Variants in FCGR2A observed in about 807,000 individuals in gnomAD.
The protein encoded by FCGR2A is Fc gamma receptor IIa.
FCGR2A carries 18 observed loss-of-function variants against 29.3 expected under a neutral mutation model. The ratio of observed to expected loss-of-function variants is 0.62; its 90% CI spans 0.43 to 0.91. The LOEUF is 0.91. Among genes scored for constraint, FCGR2A ranks in the 40% least tolerant of loss-of-function variants. The pLI, the probability that FCGR2A is intolerant of heterozygous loss-of-function variation, is 0.00. For missense variants in FCGR2A, 287 were observed against 393.0 expected, an observed-to-expected ratio of 0.73 and a Z score of 2.28; for synonymous variants, 126 against 144.8, an observed-to-expected ratio of 0.87 and a Z score of 0.93.
intron 3 of FCGR2A, among the ~76,000 whole-genome samples, chr1:161,508,615 G>GT (rs1315194335): frequency 6.3e-4 from 95 of 150,520 alleles, no homozygotes; most frequent in Non-Finnish European, 1.3e-3. Context: ...AAAGAAAACT[G>GT]TTTTTTTAAA....
At chr1:161,510,227 T>A in intron 4 of FCGR2A, 153 bp downstream of exon 4, 1 of 1,388,144 alleles carries the variant, frequency 7.2e-7, no homozygotes, top group Non-Finnish European at 9.7e-7. Flanking sequence ...GGCTAAGTAT[T>A]GACCAACAAG....
downstream of FCGR2A, among the ~76,000 whole-genome samples, chr1:161,520,224 A>G (rs1295395035): frequency 1.3e-5 from 2 of 152,066 alleles, no homozygotes; most frequent in Non-Finnish European, 2.9e-5. Flanking sequence ...TATGAAGAAA[A>G]GAGGGTTAAT....
At chr1:161,512,324 A>G (rs1308132713) in intron 5 of FCGR2A, among the ~76,000 whole-genome samples, 1 of 146,204 alleles carries the variant, frequency 6.8e-6, no homozygotes, top group Non-Finnish European at 1.5e-5. Context: ...CACTAAGAGG[A>G]GGTTTGGGCT....
intron 3 of FCGR2A, among the ~76,000 whole-genome samples, chr1:161,509,277 T>C (rs1675609703): frequency 6.6e-6 from 1 of 152,006 alleles, no homozygotes; most frequent in Non-Finnish European, 1.5e-5. Context: ...ACCCAGTTTA[T>C]AGCATTTTGT....
intron 6 of FCGR2A, among the ~76,000 whole-genome samples, chr1:161,517,305 G>A (rs385336): frequency 1.3e-5 from 2 of 152,070 alleles, no homozygotes; most frequent in Non-Finnish European, 2.9e-5. Context: ...AGAAATGGTT[G>A]AAGATCTCAG....
Position 161,519,354 on chromosome 1 carries a change from G to A in FCGR2A, c.*1206G>A, listed in dbSNP as rs1373354732. 6.6e-6 allele frequency: 1 copy of A among 152,534 alleles called. No homozygotes were observed. Among genetic ancestry groups the A allele is most frequent in the Non-Finnish European group, 1.5e-5 (1 of 68,234 alleles). The allele number at this position is 152,534 out of a possible 1,614,324, so 9.4% of individuals were successfully genotyped here. On this transcript the variant is annotated 3_prime_UTR_variant, in exon 7 of 7. Transcript: ENST00000271450. ...AGCCAATACAATTAGTCAAACCACT[G>A]TTATTAACAGATGTAGCAACATGAG...
chr1:161,505,790 T>G, intron 1 of FCGR2A, 197 bp from the exon 2 acceptor site: 1 of 719,792 alleles, frequency 1.4e-6, no homozygotes, highest in Non-Finnish European at 2.5e-6. Context: ...TTTGTAGTCA[T>G]GAGGAGGAAC....
chr1:161,510,778 A>G (rs1675719299), intron 4 of FCGR2A, 56 bp from the exon 5 acceptor site: 1 of 1,605,762 alleles, frequency 6.2e-7, no homozygotes, highest in Non-Finnish European at 8.5e-7. Context: ...GGAGAATACA[A>G]ACGTTGTCAT....
chr1:161,506,715 G>T, intron 3 of FCGR2A, 124 bp downstream of exon 3: 1 of 1,491,976 alleles, frequency 6.7e-7, no homozygotes. Context: ...GTTGTGAGTT[G>T]CTCATTCATT....
At chr1:161,517,249 C>G (rs1676199415) in intron 6 of FCGR2A, among the ~76,000 whole-genome samples, 1 of 151,990 alleles carries the variant, frequency 6.6e-6, no homozygotes, top group African/African-American at 2.4e-5. Context: ...TTCTTGATAT[C>G]TTAACAGCTT....
At chr1:161,506,289 CT>C in intron 2 of FCGR2A, 44 bp from the exon 3 acceptor site, 1 of 1,610,208 alleles carries the variant, frequency 6.2e-7, no homozygotes, top group Admixed American at 1.7e-5. Context: ...TCCACAGTCC[CT>C]TCAGGGTTAT....
chr1:161,518,357 C>G lies in FCGR2A; in HGVS notation c.*209C>G, dbSNP rs1676271073. On this transcript the variant is annotated 3_prime_UTR_variant, in exon 7 of 7. Coordinates refer to ENST00000271450, the MANE Select transcript of FCGR2A (RefSeq NM_001136219.3). Reference sequence around the variant, plus strand: ...ATACTACATACAAGCATAAGCAAAACTTAACTTGGATCATTTCTGGTAAAT... The same window carrying G: ...ATACTACATACAAGCATAAGCAAAAGTTAACTTGGATCATTTCTGGTAAAT... 1 of 929,688 alleles carries G rather than the reference C, an allele frequency of 1.1e-6. No homozygotes were observed. Among genetic ancestry groups the G allele is most frequent in the Non-Finnish European group, 1.6e-6 (1 of 640,130 alleles). The allele number at this position is 929,688 out of a possible 1,614,324, so 57.6% of individuals were successfully genotyped here. A position where few individuals can be genotyped will look rare whatever the true frequency, so the allele number is the denominator to read the frequency against.
intron 3 of FCGR2A, 128 bp downstream of exon 3, chr1:161,506,719 AT>A: frequency 1.4e-6 from 2 of 1,480,044 alleles, no homozygotes. Context: ...TGAGTTGCTC[AT>A]TCATTCCCCA....
chr1:161,505,872 A>T (rs1051703013), intron 1 of FCGR2A, 115 bp from the exon 2 acceptor site: 3 of 967,268 alleles, frequency 3.1e-6, no homozygotes, highest in Non-Finnish European at 3.4e-6. Context: ...GGATCTTGAG[A>T]TGGGTCCTGG....
In FCGR2A at chr1:161,516,588, A is replaced by G. The variant is rs572904105; in HGVS notation, c.781-1387A>G. On this transcript the variant is annotated intron_variant, in intron 6 of 6. Coordinates refer to ENST00000271450, the MANE Select transcript of FCGR2A (RefSeq NM_001136219.3). ...AAATTACTGTTTTTATTATACCTAT[A>G]TAAATAATCAGGTCAAATTTAATGA... 3.4e-4 allele frequency among the ~76,000 whole-genome samples: 52 copies of G among 152,200 alleles called. 1 individual carries two copies. The highest frequency in any genetic ancestry group is 7.4e-5 in the Non-Finnish European group (5 of 67,988).
chr1:161,518,609 C>G lies in FCGR2A; in HGVS notation c.*461C>G, dbSNP rs949112241. 4.6e-5 allele frequency: 7 copies of G among 152,962 alleles called. No individual in the cohort carries two copies. Among genetic ancestry groups the G allele is most frequent in the African/African-American group, 2.0e-4 (7 of 34,798 alleles). 9.5% of individuals were successfully genotyped at this position (152,962 alleles called of 1,614,324 possible). On this transcript the variant is annotated 3_prime_UTR_variant, in exon 7 of 7. Transcript: ENST00000271450. ...TCATGAATTGCGCCTCAGATTTTTC[C>G]TTTAACATCTTTTTTTTTTTTGACA...
At chr1:161,514,043 C>T in intron 6 of FCGR2A, 111 bp downstream of exon 6, 3 of 1,516,472 alleles carry the variant, frequency 2.0e-6, no homozygotes, top group Non-Finnish European at 2.7e-6. Flanking sequence ...GGCCTGAAAA[C>T]TCCTGAGCAA....
intron 5 of FCGR2A, chr1:161,513,297 C>T (rs1319351440): frequency 2.1e-5 from 3 of 145,930 alleles, no homozygotes; most frequent in African/African-American, 7.8e-5. Flanking sequence ...CCCTTCCTCC[C>T]TCCCTCCTTC....
At chr1:161,506,132 C>A in intron 2 of FCGR2A, 125 bp downstream of exon 2, 1 of 1,273,600 alleles carries the variant, frequency 7.9e-7, no homozygotes, top group Non-Finnish European at 1.1e-6. Flanking sequence ...TCAGCATGGG[C>A]AGTTCCCCCA....
Sources: gnomAD v4.1 joint callset for allele counts (sites outside exome capture counted in the v4.1 genomes callset) on GRCh38, gnomAD v4.1.1 for gene constraint, MANE v1.5 for transcripts, NCBI Gene and HGNC (gene_info 2026-07-23, HGNC 2026-07-21) for gene names.